The following LIF variants were observed in gnomAD, a reference collection of about 807,000 sequenced individuals.
LIF encodes leukemia inhibitory factor.
A neutral mutation model predicts 15.0 loss-of-function variants in LIF; 9 were observed. That is an observed-to-expected ratio of 0.60 (90% CI 0.36 to 1.04). The LOEUF is 1.04. Among genes scored for constraint, LIF ranks in the 50% least tolerant of loss-of-function variants. The probability of loss-of-function intolerance (pLI) is 0.01; values close to 1 mark genes in which losing one functional copy is unlikely to be tolerated. For missense variants in LIF, 240 were observed against 266.7 expected (o/e 0.90, Z 0.70); for synonymous variants, 122 against 119.7 (o/e 1.02, Z -0.13).
At chr22:30,246,276 A>C in intron 1 of LIF, 58 of 203,938 alleles carry the variant, frequency 2.8e-4, no homozygotes, top group Non-Finnish European at 4.6e-4. Context: ...CCCTGGGAGC[A>C]GCCCGGGACC....
chr22:30,245,712 C>T (rs2123835905), intron 1 of LIF, among the ~76,000 whole-genome samples: 1 of 152,328 alleles, frequency 6.6e-6, no homozygotes, highest in East Asian at 1.9e-4. Flanking sequence ...GACTCATCCG[C>T]TGTCCCTTGT....
intron 1 of LIF, among the ~76,000 whole-genome samples, chr22:30,245,559 A>C (rs1479430651): frequency 6.8e-6 from 1 of 147,424 alleles, no homozygotes; most frequent in Non-Finnish European, 1.5e-5. Context: ...ATCATCCTCT[A>C]TCTCTTCCTT....
intron 2 of LIF, 62 bp from the exon 3 acceptor site, chr22:30,244,123 C>A (rs1928782878): frequency 1.3e-6 from 2 of 1,502,400 alleles, no homozygotes; most frequent in East Asian, 2.3e-5. Flanking sequence ...CTGCCGCCAA[C>A]CCTTTGGGCA....
In LIF at chr22:30,244,922, G is replaced by A; in HGVS notation, c.31C>T (p.Leu11=). MKVLAAGVVP[L]LLVLHWKHGA... is the part of the protein sequence containing the mutation. Reference sequence around the variant, plus strand: ...TGTTTCCAGTGCAGAACCAACAGCAGGGGCACAACTCCTGGGGACAGTCAG... The same window carrying A: ...TGTTTCCAGTGCAGAACCAACAGCAAGGGCACAACTCCTGGGGACAGTCAG... The change falls in exon 2 of 3, where the codon CTG becomes TTG. Residue 11 remains leucine, a synonymous_variant. Transcript: ENST00000249075. 6.2e-7 allele frequency: 1 copy of A among 1,614,086 alleles called. No homozygotes were observed. The highest frequency in any genetic ancestry group is 8.5e-7 in the Non-Finnish European group (1 of 1,179,980).
rs1928816809 is a variant in LIF, at chr22:30,244,845, T to G, written c.108A>C (p.Ile36=). The change falls in exon 2 of 3, where the codon ATA becomes ATC. Residue 36 remains isoleucine, a synonymous_variant. Coordinates refer to ENST00000249075, the MANE Select transcript of LIF (RefSeq NM_002309.5). Reference sequence around the variant, plus strand: ...TGAGGTTGTTGTGACATGGGTGGCGTATGGCACAGGTGGCGTTGACAGGGG... The same window carrying G: ...TGAGGTTGTTGTGACATGGGTGGCGGATGGCACAGGTGGCGTTGACAGGGG... ...PITPVNATCA[I]RHPCHNNLMN... 1 of 1,614,114 alleles carries G rather than the reference T, an allele frequency of 6.2e-7. No homozygotes were observed. Among genetic ancestry groups the G allele is most frequent in the Non-Finnish European group, 8.5e-7 (1 of 1,179,966 alleles).
rs1489885936 is a variant in LIF at position 30,246,699 on chromosome 22, G to T, written c.-4C>A. ...TACCTGCCGCCAAGACCTTCATTAT[G>T]GGCTGCACTTCAGAGGGCCTTGGAG... On this transcript the variant is annotated 5_prime_UTR_variant, in exon 1 of 3. Transcript: ENST00000249075. The T allele has an allele frequency of 6.4e-7, 1 of 1,558,604 alleles. No individual in the cohort carries two copies.
intron 1 of LIF, 53 bp from the exon 2 acceptor site, chr22:30,244,986 G>C: frequency 6.3e-7 from 1 of 1,584,920 alleles, no homozygotes; most frequent in Non-Finnish European, 8.6e-7. Flanking sequence ...AGGGTGGCCT[G>C]GGGTCATGGC....
intron 1 of LIF, 81 bp downstream of exon 1, chr22:30,246,596 G>C: frequency 6.6e-7 from 1 of 1,512,550 alleles, no homozygotes; most frequent in Non-Finnish European, 8.9e-7. Context: ...GTGGGCGTCC[G>C]GCTCGCGCTG....
chr22:30,244,815 G>A lies in LIF; in HGVS notation c.138C>T (p.Asn46=). 6.2e-7 allele frequency: 1 copy of A among 1,614,198 alleles called. No homozygotes were observed. The highest frequency in any genetic ancestry group is 8.5e-7 in the Non-Finnish European group (1 of 1,180,026). The change falls in exon 2 of 3, where the codon AAC becomes AAT. Residue 46 remains asparagine, a synonymous_variant. Transcript: ENST00000249075. ...GCTGTGCCAGTTGGCTCCTGATCTG[G>A]TTCATGAGGTTGTTGTGACATGGGT... ...IRHPCHNNLM[N]QIRSQLAQLN...
In LIF at chr22:30,243,853, T is replaced by C. The variant is rs997593467; in HGVS notation, c.407A>G (p.Lys136Arg). The change falls in exon 3 of 3, where the codon AAG (lysine) becomes AGG (arginine). Residue 136 changes from lysine (K) to arginine (R), a missense_variant. Lys to Arg is a conservative substitution (Grantham distance 26, BLOSUM62 2). Coordinates refer to ENST00000249075, the MANE Select transcript of LIF (RefSeq NM_002309.5). This position sits in a 1 kb window ranked among gnomAD's most constrained non-coding sequence, Gnocchi z 6.0. ...CAGGATGTCGGCGGTGGCGTTGAGC[T>C]TGCTGTGGAGGCTGAGGGCACTGGG... ...LNPSALSLHS[K>R]LNATADILRG... 1 of 1,614,210 alleles carries C rather than the reference T, an allele frequency of 6.2e-7. No homozygotes were observed. The highest frequency in any genetic ancestry group is 8.5e-7 in the Non-Finnish European group (1 of 1,180,028).
In LIF at chr22:30,243,593, C is replaced by T; in HGVS notation, c.*58G>A. On this transcript the variant is annotated 3_prime_UTR_variant, in exon 3 of 3. Coordinates refer to ENST00000249075, the MANE Select transcript of LIF (RefSeq NM_002309.5). This position sits in a 1 kb window ranked among gnomAD's most constrained non-coding sequence, Gnocchi z 6.0. ...CCCCAGCCACCCTTGGACAGGCCCC[C>T]ACATCTGGACCCAACTCCTGAGATC... is the stretch of plus-strand genomic sequence containing the variant. The T allele has an allele frequency of 6.2e-7, 1 of 1,610,326 alleles. No homozygotes were observed.
At chr22:30,246,446 G>T (rs1928896873) in intron 1 of LIF, 3 of 1,205,570 alleles carry the variant, frequency 2.5e-6, no homozygotes, top group South Asian at 3.7e-5. Context: ...GAGGAGGAAG[G>T]CTCGGCGCCC....
rs1928742041 is a variant in LIF, at chr22:30,243,368, G to A, written c.*283C>T. On this transcript the variant is annotated 3_prime_UTR_variant, in exon 3 of 3. Coordinates refer to ENST00000249075, the MANE Select transcript of LIF (RefSeq NM_002309.5). This position sits in a 1 kb window ranked among gnomAD's most constrained non-coding sequence, Gnocchi z 6.0. ...GCACAAAGTGAGCAAGGGGCCAAAG[G>A]GACAAGTAGAGGCAGAAGTCCAGCC... The A allele has an allele frequency of 2.4e-5, 13 of 539,106 alleles. No individual in the cohort carries two copies. In the East Asian group the frequency reaches 3.9e-4, roughly 16 times the overall value. The allele number at this position is 539,106 out of a possible 1,614,324, so 33.4% of individuals were successfully genotyped here. A position where few individuals can be genotyped will look rare whatever the true frequency, so the allele number is the denominator to read the frequency against.
chr22:30,243,688 T>C lies in LIF; in HGVS notation c.572A>G (p.Tyr191Cys). 1.2e-6 allele frequency: 2 copies of C among 1,614,236 alleles called. No homozygotes were observed. The highest frequency in any genetic ancestry group is 1.7e-6 in the Non-Finnish European group (2 of 1,180,036). The change falls in exon 3 of 3, where the codon TAT becomes TGT. Residue 191 changes from tyrosine (Y) to cysteine (C), a missense_variant. Transcript: ENST00000249075. This position sits in a 1 kb window ranked among gnomAD's most constrained non-coding sequence, Gnocchi z 6.0. ...KKLGCQLLGK[Y>C]KQIIAVLAQA... ...GGCCAACACGGCGATGATCTGCTTA[T>C]ACTTCCCCAGGAGTTGACAGCCCAG...
At chr22:30,244,086 T>C (rs1601642299) in intron 2 of LIF, 25 bp from the exon 3 acceptor site, 1 of 1,585,074 alleles carries the variant, frequency 6.3e-7, no homozygotes, top group Non-Finnish European at 8.6e-7. Flanking sequence ...GGAGGTGACG[T>C]GGGAGTCAGG....
chr22:30,245,002 G>T (rs1268870889), intron 1 of LIF, 69 bp from the exon 2 acceptor site: 1 of 1,493,366 alleles, frequency 6.7e-7, no homozygotes, highest in African/African-American at 1.4e-5. Context: ...ATGGCACACC[G>T]GATGGGGGTC....
chr22:30,244,154 C>T, intron 2 of LIF, 93 bp from the exon 3 acceptor site: 1 of 1,253,492 alleles, frequency 8.0e-7, no homozygotes, highest in East Asian at 2.5e-5. Context: ...TCTGTTTCCC[C>T]ATCTAGCGCA....
intron 1 of LIF, 84 bp downstream of exon 1, chr22:30,246,592 GT>G: frequency 6.6e-7 from 1 of 1,504,574 alleles, no homozygotes; most frequent in Admixed American, 2.2e-5. Flanking sequence ...GCGGGTGGGC[GT>G]CCGGCTCGCG....
Position 30,243,549 on chromosome 22 carries a change from G to A in LIF, c.*102C>T. 6 of 1,472,712 alleles carry A rather than the reference G, an allele frequency of 4.1e-6. No individual in the cohort carries two copies. Among genetic ancestry groups the A allele is most frequent in the Non-Finnish European group, 5.6e-6 (6 of 1,062,066 alleles). 91.2% of individuals were successfully genotyped at this position (1,472,712 alleles called of 1,614,324 possible). A position where few individuals can be genotyped will look rare whatever the true frequency, so the allele number is the denominator to read the frequency against. ...GGGGTCTGCCAGCAGCCCCCATTTG[G>A]GTTTAGCGATGCCCTGGGCCCCAGC... On this transcript the variant is annotated 3_prime_UTR_variant, in exon 3 of 3. Coordinates refer to ENST00000249075, the MANE Select transcript of LIF (RefSeq NM_002309.5). This position sits in a 1 kb window ranked among gnomAD's most constrained non-coding sequence, Gnocchi z 6.0.
Sources: gnomAD v4.1 joint callset for allele counts (sites outside exome capture counted in the v4.1 genomes callset) on GRCh38, gnomAD v4.1.1 for gene constraint, Gnocchi (gnomAD v3.1) non-coding constraint, MANE v1.5 for transcripts, NCBI Gene and HGNC (gene_info 2026-07-23, HGNC 2026-07-21) for gene names.